Variants in ZFYVE16 observed in about 807,000 individuals in gnomAD.
ZFYVE16 encodes the protein zinc finger FYVE domain-containing protein 16.
ZFYVE16 carries 89 observed loss-of-function variants against 138.1 expected under a neutral mutation model. That is an observed-to-expected ratio of 0.64 (90% CI 0.54 to 0.77). The LOEUF is 0.77. Ranked by LOEUF, ZFYVE16 falls within the 30% of genes least tolerant of loss-of-function variation. ZFYVE16 has a pLI of 0.00. For synonymous variants in ZFYVE16, 596 were observed against 618.3 expected, an observed-to-expected ratio of 0.96 and a Z score of 0.53; for missense variants, 1,793 against 1,786.7, an observed-to-expected ratio of 1.00 and a Z score of -0.06.
intron 1 of ZFYVE16, among the ~76,000 whole-genome samples, chr5:80,414,330 T>C (rs1335980290): frequency 6.6e-6 from 1 of 152,208 alleles, no homozygotes; most frequent in East Asian, 1.9e-4. Context: ...ACAACTCTCT[T>C]CCTGGACTGC....
chr5:80,462,398 C>T (rs1306057229), intron 15 of ZFYVE16, among the ~76,000 whole-genome samples: 1 of 152,032 alleles, frequency 6.6e-6, no homozygotes, highest in Non-Finnish European at 1.5e-5. Flanking sequence ...GGGGAAGAGC[C>T]CCTTATAAAA....
Position 80,434,223 on chromosome 5 carries a change from T to C in ZFYVE16, c.70+6T>C, listed in dbSNP as rs753199674. 3 of 1,612,904 alleles carry C rather than the reference T, an allele frequency of 1.9e-6. No individual in the cohort carries two copies. Among genetic ancestry groups the C allele is most frequent in the Non-Finnish European group, 1.7e-6 (2 of 1,179,256 alleles). ...TGATTTTGAACAGAACCCAGGTTTG[T>C]TGATTTTCCATTTTTGCCGCTAATG... On this transcript the variant is annotated splice_donor_region_variant and intron_variant, in intron 3 of 18. Transcript: ENST00000505560.
rs184115490 is a variant in ZFYVE16 at position 80,462,196 on chromosome 5, A to G, written c.4024+2702A>G. On this transcript the variant is annotated intron_variant, in intron 15 of 18. Transcript: ENST00000505560. ...TGGTAATATGTGGCTTTCTAAGTGTATGAGTCCATTTTCACACTGCTATAA... is the reference window on the plus strand; with the variant it reads ...TGGTAATATGTGGCTTTCTAAGTGTGTGAGTCCATTTTCACACTGCTATAA... Among the ~76,000 whole-genome samples the G allele has an allele frequency of 5.3e-5, 8 of 152,298 alleles. No homozygotes were observed. The East Asian group carries it at 1.5e-3, about 29-fold the overall frequency.
intron 7 of ZFYVE16, among the ~76,000 whole-genome samples, chr5:80,446,126 C>G (rs1479738050): frequency 1.3e-5 from 2 of 152,010 alleles, no homozygotes; most frequent in Admixed American, 6.6e-5. Context: ...AAACTCCTGA[C>G]CTCAAGTTAT....
rs1296229101 is a variant in ZFYVE16, at chr5:80,427,494, T to A, written c.-91T>A. On this transcript the variant is annotated splice_region_variant and 5_prime_UTR_variant, in exon 2 of 19. Transcript: ENST00000505560. ...ATTATCCCATTACTTATTGACAGATTCCTGTGAGGTTTCTCGGGCTTATTT... is the reference window on the plus strand; with the variant it reads ...ATTATCCCATTACTTATTGACAGATACCTGTGAGGTTTCTCGGGCTTATTT... 6.6e-6 allele frequency: 1 copy of A among 152,074 alleles called. No individual in the cohort carries two copies. Among genetic ancestry groups the A allele is most frequent in the Non-Finnish European group, 1.5e-5 (1 of 68,014 alleles). 9.4% of individuals were successfully genotyped at this position (152,074 alleles called of 1,614,324 possible). A position where few individuals can be genotyped will look rare whatever the true frequency, so the allele number is the denominator to read the frequency against.
At position 80,447,417 on chromosome 5, in the gene ZFYVE16, C is replaced by T. The variant is rs140895613; in HGVS notation, c.2725-609C>T. Among the ~76,000 whole-genome samples, 542 of 152,182 alleles carry T rather than the reference C, an allele frequency of 3.6e-3. 2 individuals are homozygous for T. The highest frequency in any genetic ancestry group is 0.013 in the African/African-American group (524 of 41,508). ...TAATTACCATGGGTATGTTTCCTAG[C>T]TAGCACGCACTGTCAATCTGTATTA... On this transcript the variant is annotated intron_variant, in intron 7 of 18. Transcript: ENST00000505560.
intron 5 of ZFYVE16, 84 bp downstream of exon 5, chr5:80,440,116 A>G: frequency 6.9e-7 from 1 of 1,458,878 alleles, no homozygotes; most frequent in Non-Finnish European, 9.0e-7. Flanking sequence ...AAACTTCTTT[A>G]TTTTCTTAAG....
intron 3 of ZFYVE16, chr5:80,435,644 C>T (rs994445218): frequency 2.8e-6 from 1 of 358,008 alleles, no homozygotes; most frequent in South Asian, 2.1e-5. Context: ...TCATAGCTCA[C>T]TGCAGCCTTG....
intron 5 of ZFYVE16, chr5:80,441,212 A>G (rs1432117447): frequency 7.1e-6 from 7 of 985,340 alleles, no homozygotes; most frequent in Non-Finnish European, 8.4e-6. Flanking sequence ...AAGAAATTAA[A>G]CATCCATGAA....
chr5:80,426,046 G>C (rs1190503489), intron 1 of ZFYVE16, among the ~76,000 whole-genome samples: 2 of 151,868 alleles, frequency 1.3e-5, no homozygotes, highest in Admixed American at 1.3e-4. Context: ...GTAAATAAAG[G>C]GCAGGATAAA....
chr5:80,408,486 G>A (rs1403043648), intron 1 of ZFYVE16, among the ~76,000 whole-genome samples: 3 of 152,252 alleles, frequency 2.0e-5, no homozygotes, highest in Non-Finnish European at 2.9e-5. Flanking sequence ...CGGACGGAGG[G>A]AGAAGCGCCC....
chr5:80,440,852 CA>C (rs1750634031), intron 5 of ZFYVE16: 1 of 985,094 alleles, frequency 1.0e-6, no homozygotes, highest in Non-Finnish European at 1.2e-6. Context: ...TCCTGTTAGC[CA>C]GGGGAATGAA....
chr5:80,411,636 C>G (rs1745474784), intron 1 of ZFYVE16: 1 of 152,162 alleles, frequency 6.6e-6, no homozygotes, highest in African/African-American at 2.4e-5. Flanking sequence ...TAAATATATT[C>G]TCTTCCTAGG....
rs1013914704 is a variant in ZFYVE16 at position 80,480,859 on chromosome 5, C to T, written c.*3482C>T. Among the ~76,000 whole-genome samples, 1 of 151,760 alleles carries T rather than the reference C, an allele frequency of 6.6e-6. No individual in the cohort carries two copies. The highest frequency in any genetic ancestry group is 2.4e-5 in the African/African-American group (1 of 41,286). ...CACTTGAGCCCAGGAGGTTAAGGCTCCAGTGAGCTGTGATCGTGCAACAGA... is the reference window on the plus strand; with the variant it reads ...CACTTGAGCCCAGGAGGTTAAGGCTTCAGTGAGCTGTGATCGTGCAACAGA... On this transcript the variant is annotated 3_prime_UTR_variant, in exon 19 of 19. Transcript: ENST00000505560.
chr5:80,422,611 T>G (rs1747388538), intron 1 of ZFYVE16, among the ~76,000 whole-genome samples: 1 of 152,010 alleles, frequency 6.6e-6, no homozygotes, highest in Non-Finnish European at 1.5e-5. Context: ...CCCGCCACCA[T>G]GCCAGGCTAA....
intron 11 of ZFYVE16, 158 bp from the exon 12 acceptor site, chr5:80,455,534 A>G (rs1305292950): frequency 3.3e-5 from 21 of 645,130 alleles, no homozygotes; most frequent in Non-Finnish European, 5.4e-5. Flanking sequence ...ACCTTGTCTC[A>G]AAAACAAAAA....
chr5:80,472,976 T>A, intron 16 of ZFYVE16, 53 bp downstream of exon 16: 1 of 1,402,932 alleles, frequency 7.1e-7, no homozygotes, highest in Non-Finnish European at 9.6e-7. Context: ...AGTGCAGGAT[T>A]AAAATATCCT....
chr5:80,436,675 T>TATA, intron 3 of ZFYVE16, 81 bp from the exon 4 acceptor site: 2 of 1,262,464 alleles, frequency 1.6e-6, no homozygotes, highest in Non-Finnish European at 2.2e-6. Context: ...GTATTTAGTT[T>TATA]AGAAGTCTTG....
At chr5:80,439,473 C>T (rs1750412007) in intron 4 of ZFYVE16, among the ~76,000 whole-genome samples, 1 of 152,094 alleles carries the variant, frequency 6.6e-6, no homozygotes. Flanking sequence ...TGACTGATAA[C>T]AGTCAAGATA....
Sources: allele counts gnomAD v4.1 joint callset (sites outside exome capture counted in the v4.1 genomes callset), GRCh38; gene constraint gnomAD v4.1.1; transcripts MANE v1.5; gene names NCBI Gene and HGNC (gene_info 2026-07-23, HGNC 2026-07-21).